TMA7: variants seen among roughly 807,000 people sequenced by gnomAD.
TMA7 encodes the protein translation machinery associated 7 homolog.
A neutral mutation model predicts 12.5 loss-of-function variants in TMA7; 5 were observed. The ratio of observed to expected loss-of-function variants is 0.40; its 90% CI spans 0.21 to 0.84. TMA7 has a LOEUF of 0.84. TMA7 is among the 40% of genes least tolerant of loss of function. TMA7 has a pLI of 0.36. For missense variants in TMA7, 71 were observed against 75.4 expected (o/e 0.94, Z 0.22); for synonymous variants, 36 against 28.1 (o/e 1.28, Z -0.89).
chr3:48,440,391 T>C lies in TMA7; in HGVS notation c.17-12T>C, dbSNP rs1182321789. The C allele has an allele frequency of 5.6e-6, 9 of 1,611,808 alleles. No individual in the cohort carries two copies. Among genetic ancestry groups the C allele is most frequent in the Non-Finnish European group, 7.6e-6 (9 of 1,179,804 alleles). On this transcript the variant is annotated splice_polypyrimidine_tract_variant and intron_variant, in intron 1 of 3. Transcript: ENST00000438607. ...GGCAGGGGCAGGCCGAACGTGCTCGTGTCGCCCACAGGTGGCAAGAAGAAG... is the reference window on the plus strand; with the variant it reads ...GGCAGGGGCAGGCCGAACGTGCTCGCGTCGCCCACAGGTGGCAAGAAGAAG...
chr3:48,442,945 A>C (rs775318591), intron 3 of TMA7, among the ~76,000 whole-genome samples: 5 of 151,806 alleles, frequency 3.3e-5, no homozygotes, highest in African/African-American at 4.8e-5. Context: ...CCTAACAATA[A>C]GACTTCTTTT....
At chr3:48,441,362 T>C (rs758816694) in intron 3 of TMA7, among the ~76,000 whole-genome samples, 32 of 151,982 alleles carry the variant, frequency 2.1e-4, no homozygotes, top group Non-Finnish European at 4.4e-4. Flanking sequence ...TTTGTATTTA[T>C]AGTAGAGACG....
chr3:48,443,203 C>T lies in TMA7; in HGVS notation c.161-645C>T, dbSNP rs547128460. 1.9e-4 allele frequency among the ~76,000 whole-genome samples: 27 copies of T among 144,348 alleles called. No individual in the cohort carries two copies. The East Asian group carries it at 4.9e-3, about 26-fold the overall frequency. The allele number at this position is 144,348 out of a possible 152,430, so 94.7% of individuals were successfully genotyped here. A position where few individuals can be genotyped will look rare whatever the true frequency, so the allele number is the denominator to read the frequency against. On this transcript the variant is annotated intron_variant, in intron 3 of 3. Coordinates refer to ENST00000438607, the MANE Select transcript of TMA7 (RefSeq NM_015933.6). The stretch of plus-strand genomic sequence containing the variant: ...CTGCAGTGAGCCAAAATTGCACCAC[C>T]GCAGTCCAGCCTAGGTGACAAAGCA...
chr3:48,440,527 C>T lies in TMA7; in HGVS notation c.73-14C>T, dbSNP rs373489316. The T allele has an allele frequency of 3.1e-6, 5 of 1,609,502 alleles. No individual in the cohort carries two copies. The highest frequency in any genetic ancestry group is 2.2e-5 in the East Asian group (1 of 44,782). On this transcript the variant is annotated splice_polypyrimidine_tract_variant and intron_variant, in intron 2 of 3. Coordinates refer to ENST00000438607, the MANE Select transcript of TMA7 (RefSeq NM_015933.6). ...GAGACAGGCCTGAGTTGAACACGCT[C>T]TGCCTCTCCCCAGGAAGATAAGGCT...
At chr3:48,441,696 C>G (rs1344129136) in intron 3 of TMA7, among the ~76,000 whole-genome samples, 1 of 152,128 alleles carries the variant, frequency 6.6e-6, no homozygotes, top group African/African-American at 2.4e-5. Flanking sequence ...ATTTTTCAGG[C>G]CCAGCAGTTC....
intron 3 of TMA7, 62 bp downstream of exon 3, chr3:48,440,690 G>T (rs1429676885): frequency 1.4e-6 from 2 of 1,473,986 alleles, no homozygotes; most frequent in African/African-American, 2.8e-5. Flanking sequence ...TTGGGATGAG[G>T]GCGCGGGCAT....
Position 48,443,754 on chromosome 3 carries a change from A to T in TMA7, c.161-94A>T, listed in dbSNP as rs569813626. On this transcript the variant is annotated intron_variant, in intron 3 of 3. Coordinates refer to ENST00000438607, the MANE Select transcript of TMA7 (RefSeq NM_015933.6). Reference sequence around the variant, plus strand: ...TGTGTTAAAGTGAATGCCCAATACAAAAGCCAGGCTTTACTAAGGTCCACA... The same window carrying T: ...TGTGTTAAAGTGAATGCCCAATACATAAGCCAGGCTTTACTAAGGTCCACA... 2.2e-5 allele frequency: 23 copies of T among 1,023,962 alleles called. 1 individual carries two copies. In the South Asian group the frequency reaches 4.5e-4, roughly 20 times the overall value. 63.4% of individuals were successfully genotyped at this position (1,023,962 alleles called of 1,614,324 possible).
At position 48,442,217 on chromosome 3, in the gene TMA7, C is replaced by T. The variant is rs139675250; in HGVS notation, c.160+1589C>T. Among the ~76,000 whole-genome samples, 25 of 149,664 alleles carry T rather than the reference C, an allele frequency of 1.7e-4. No individual in the cohort carries two copies. In the South Asian group the frequency reaches 2.3e-3, roughly 14 times the overall value. ...TTCAGGCTGTAGTGAGCTGGGATTGCGCCACTGTATTCCAGCCTGGGAGAT... is the reference window on the plus strand; with the variant it reads ...TTCAGGCTGTAGTGAGCTGGGATTGTGCCACTGTATTCCAGCCTGGGAGAT... On this transcript the variant is annotated intron_variant, in intron 3 of 3. Transcript: ENST00000438607.
chr3:48,443,351 C>T (rs1035221841), intron 3 of TMA7, among the ~76,000 whole-genome samples: 2 of 151,266 alleles, frequency 1.3e-5, no homozygotes, highest in African/African-American at 4.9e-5. Context: ...AGTTCGAGAC[C>T]AGCCTGACCA....
intron 3 of TMA7, among the ~76,000 whole-genome samples, chr3:48,441,556 T>G (rs2039569034): frequency 6.6e-6 from 1 of 152,154 alleles, no homozygotes; most frequent in African/African-American, 2.4e-5. Flanking sequence ...TCTTTTTACT[T>G]CTGGGTATGC....
At chr3:48,443,330 C>T (rs941597255) in intron 3 of TMA7, among the ~76,000 whole-genome samples, 1 of 150,746 alleles carries the variant, frequency 6.6e-6, no homozygotes, top group African/African-American at 2.4e-5. Context: ...GGCAGATCAC[C>T]TGAGGTCAGG....
intron 3 of TMA7, among the ~76,000 whole-genome samples, chr3:48,442,144 C>T (rs553609691): frequency 1.3e-5 from 2 of 151,894 alleles, no homozygotes; most frequent in African/African-American, 4.8e-5. Context: ...GAGGCAGCCT[C>T]GCTTAAGCCC....
At chr3:48,441,587 C>A (rs1301260065) in intron 3 of TMA7, among the ~76,000 whole-genome samples, 1 of 152,018 alleles carries the variant, frequency 6.6e-6, no homozygotes, top group Non-Finnish European at 1.5e-5. Flanking sequence ...AGATAAAGTC[C>A]AGGCTCTTCA....
Position 48,440,291 on chromosome 3 carries a change from G to C in TMA7, c.-6G>C. 6.2e-7 allele frequency: 1 copy of C among 1,604,222 alleles called. No homozygotes were observed. Among genetic ancestry groups the C allele is most frequent in the South Asian group, 1.1e-5 (1 of 90,420 alleles). On this transcript the variant is annotated 5_prime_UTR_variant, in exon 1 of 4. Transcript: ENST00000438607. The stretch of plus-strand genomic sequence containing the variant: ...GGCAGGGTCTGGGGAAGCGGCGGCA[G>C]GCGCCATGTCCGGCCGCGAAGGTAA...
chr3:48,442,583 CT>C (rs2039595820), intron 3 of TMA7, among the ~76,000 whole-genome samples: 7 of 151,706 alleles, frequency 4.6e-5, no homozygotes, highest in Admixed American at 4.6e-4. Context: ...TCCTGAGTAG[CT>C]GGGATTACAG....
chr3:48,440,938 G>A lies in TMA7; in HGVS notation c.160+310G>A, dbSNP rs924645050. On this transcript the variant is annotated intron_variant, in intron 3 of 3. Coordinates refer to ENST00000438607, the MANE Select transcript of TMA7 (RefSeq NM_015933.6). ...GTTAAGTTTCTCAAAGTCTGACGTC[G>A]TCCGCAATCTTTTGCCCCAAATTCG... 1.7e-5 allele frequency: 8 copies of A among 463,956 alleles called. No individual in the cohort carries two copies. The East Asian group carries it at 2.0e-4, about 12-fold the overall frequency. 28.7% of individuals were successfully genotyped at this position (463,956 alleles called of 1,614,324 possible). A position where few individuals can be genotyped will look rare whatever the true frequency, so the allele number is the denominator to read the frequency against.
At chr3:48,441,567 C>G (rs1406423362) in intron 3 of TMA7, among the ~76,000 whole-genome samples, 3 of 151,792 alleles carry the variant, frequency 2.0e-5, no homozygotes, top group African/African-American at 7.3e-5. Flanking sequence ...CTGGGTATGC[C>G]TAGACTAAAA....
At chr3:48,440,379 C>G in intron 1 of TMA7, 24 bp from the exon 2 acceptor site, 2 of 1,611,674 alleles carry the variant, frequency 1.2e-6, no homozygotes, top group Non-Finnish European at 1.7e-6. Context: ...AGGGGCAGGC[C>G]GAACGTGCTC....
chr3:48,443,826 T>A, intron 3 of TMA7, 22 bp from the exon 4 acceptor site: 1 of 1,552,504 alleles, frequency 6.4e-7, no homozygotes. Context: ...TTTCCCTAAT[T>A]GTGACTATTT....
Sources: gnomAD v4.1 joint callset for allele counts (sites outside exome capture counted in the v4.1 genomes callset) on GRCh38, gnomAD v4.1.1 for gene constraint, MANE v1.5 for transcripts, NCBI Gene and HGNC (gene_info 2026-07-23, HGNC 2026-07-21) for gene names.